Variants in MTUS1 observed in about 807,000 individuals in gnomAD.
MTUS1 encodes the protein microtubule-associated tumor suppressor 1.
Under a neutral mutation model 120.8 loss-of-function variants are expected in MTUS1, and 109 were observed. The observed-to-expected ratio is 0.90, with a 90% CI of 0.77 to 1.06. The LOEUF (loss-of-function observed/expected upper bound fraction) is 1.06, where lower values mean the gene tolerates loss of function less well. Among genes scored for constraint, MTUS1 ranks in the 50% least tolerant of loss-of-function variants. The pLI, the probability that MTUS1 is intolerant of heterozygous loss-of-function variation, is 0.00. For synonymous variants in MTUS1, 737 were observed against 550.5 expected, an observed-to-expected ratio of 1.34 and a Z score of -4.74; for missense variants, 2,210 against 1,486.3, an observed-to-expected ratio of 1.49 and a Z score of -8.01.
chr8:17,694,361 G>C (rs147358810), intron 6 of MTUS1, among the ~76,000 whole-genome samples: 1 of 152,314 alleles, frequency 6.6e-6, no homozygotes, highest in Non-Finnish European at 1.5e-5. Flanking sequence ...ATCAGGACAA[G>C]TAATGATTCA....
intron 6 of MTUS1, 47 bp from the exon 7 acceptor site, chr8:17,684,589 T>G: frequency 6.8e-7 from 1 of 1,465,650 alleles, no homozygotes; most frequent in Non-Finnish European, 9.5e-7. Flanking sequence ...AGGTTAATTT[T>G]TAAAATCACC....
intron 1 of MTUS1, among the ~76,000 whole-genome samples, chr8:17,770,249 C>G (rs1006328580): frequency 6.6e-6 from 1 of 152,062 alleles, no homozygotes; most frequent in Admixed American, 6.5e-5. Context: ...CATTTTCAAA[C>G]GTTCTAGAAT....
At chr8:17,751,934 T>A (rs79711192) in intron 2 of MTUS1, among the ~76,000 whole-genome samples, 40 of 148,468 alleles carry the variant, frequency 2.7e-4, no homozygotes, top group African/African-American at 9.7e-4. Flanking sequence ...GATAAGCATA[T>A]GCGAATATGG....
chr8:17,647,260 C>T (rs774168616), intron 13 of MTUS1, 181 bp from the exon 14 acceptor site: 7 of 535,032 alleles, frequency 1.3e-5, no homozygotes, highest in Admixed American at 6.9e-5. Context: ...CAAAACAGAG[C>T]GGCTGGGTAT....
intron 1 of MTUS1, among the ~76,000 whole-genome samples, chr8:17,766,415 A>G (rs1268840266): frequency 6.6e-6 from 1 of 152,154 alleles, no homozygotes; most frequent in African/African-American, 2.4e-5. Context: ...ACTACTCAAC[A>G]TGGCTATCTT....
chr8:17,758,723 A>C (rs368473736), intron 1 of MTUS1, among the ~76,000 whole-genome samples: 2 of 152,340 alleles, frequency 1.3e-5, no homozygotes, highest in East Asian at 3.9e-4. Context: ...GTGCACTGCA[A>C]ACACGCACTT....
intron 6 of MTUS1, among the ~76,000 whole-genome samples, chr8:17,712,299 G>A (rs990597245): frequency 6.6e-6 from 1 of 152,048 alleles, no homozygotes. Flanking sequence ...AATGTAGGCA[G>A]TGTACAGGAG....
At chr8:17,726,662 T>A (rs1251975810) in intron 3 of MTUS1, among the ~76,000 whole-genome samples, 1 of 152,236 alleles carries the variant, frequency 6.6e-6, no homozygotes, top group African/African-American at 2.4e-5. Context: ...TCCTTTACAA[T>A]AATTAGCAAC....
At chr8:17,798,252 T>C (rs553684256) in intron 1 of MTUS1, among the ~76,000 whole-genome samples, 1 of 152,216 alleles carries the variant, frequency 6.6e-6, no homozygotes, top group East Asian at 1.9e-4. Flanking sequence ...CATCAACAAA[T>C]GCAATTAGTT....
intron 7 of MTUS1, among the ~76,000 whole-genome samples, chr8:17,680,463 G>A (rs28716839): frequency 0.38 from 6,379 of 16,600 alleles, 1,259 homozygotes; most frequent in Middle Eastern, 0.59. Context: ...GGCCACTGTC[G>A]CAAAAAAAAA....
At chr8:17,676,617 G>A (rs922284293) in intron 7 of MTUS1, 18 of 407,786 alleles carry the variant, frequency 4.4e-5, no homozygotes, top group African/African-American at 1.2e-4. Flanking sequence ...TAGACTGATC[G>A]ATTGCCATTT....
At chr8:17,661,087 C>G (rs1809585655) in intron 8 of MTUS1, among the ~76,000 whole-genome samples, 1 of 152,128 alleles carries the variant, frequency 6.6e-6, no homozygotes, top group South Asian at 2.1e-4. Flanking sequence ...CTAGTAACCA[C>G]AGAAGAAAAA....
intron 8 of MTUS1, among the ~76,000 whole-genome samples, chr8:17,664,277 A>T (rs1210105618): frequency 6.6e-6 from 1 of 152,196 alleles, no homozygotes; most frequent in Admixed American, 6.5e-5. Flanking sequence ...GATTTTATGT[A>T]AATCAGAACT....
At chr8:17,771,804 G>C (rs1244079379) in intron 1 of MTUS1, among the ~76,000 whole-genome samples, 1 of 152,254 alleles carries the variant, frequency 6.6e-6, no homozygotes, top group African/African-American at 2.4e-5. Flanking sequence ...TCATCGTCCA[G>C]TGTTTACAGT....
rs541731137 is a variant in MTUS1 at position 17,676,206 on chromosome 8, G to A, written c.2839-954C>T. The stretch of plus-strand genomic sequence containing the variant: ...GCTTGTCATTCAAAGCATTTTCCCT[G>A]AATTCCAGACAGCCTCTGCAGTAGT... On this transcript the variant is annotated intron_variant, in intron 7 of 14. Coordinates refer to ENST00000693296, the MANE Select transcript of MTUS1 (RefSeq NM_001363059.2). 4.1e-5 allele frequency: 29 copies of A among 701,042 alleles called. No individual in the cohort carries two copies. In the African/African-American group the frequency reaches 4.9e-4, roughly 12 times the overall value. The allele number at this position is 701,042 out of a possible 1,614,324, so 43.4% of individuals were successfully genotyped here.
intron 5 of MTUS1, among the ~76,000 whole-genome samples, chr8:17,713,489 G>A (rs967087801): frequency 1.3e-5 from 2 of 151,970 alleles, no homozygotes; most frequent in Non-Finnish European, 2.9e-5. Flanking sequence ...AAATTAAATA[G>A]GACCAGTTTT....
intron 7 of MTUS1, among the ~76,000 whole-genome samples, chr8:17,679,355 G>A (rs954066181): frequency 1.3e-3 from 172 of 129,044 alleles, no homozygotes; most frequent in Non-Finnish European, 2.1e-3. Context: ...GTGTGCGCGC[G>A]CGTGTGTGTG....
chr8:17,768,922 G>A (rs1467532939), intron 1 of MTUS1, among the ~76,000 whole-genome samples: 4 of 152,078 alleles, frequency 2.6e-5, no homozygotes, highest in Non-Finnish European at 5.9e-5. Context: ...GTTTTCGGGG[G>A]ATTTTTGTTT....
chr8:17,694,704 G>T (rs938658760), intron 6 of MTUS1, among the ~76,000 whole-genome samples: 1 of 151,994 alleles, frequency 6.6e-6, no homozygotes, highest in Non-Finnish European at 1.5e-5. Context: ...AACCAAAGGT[G>T]GGGTTTGATG....
Sources: gnomAD v4.1 joint callset for allele counts (sites outside exome capture counted in the v4.1 genomes callset) on GRCh38, gnomAD v4.1.1 for gene constraint, MANE v1.5 for transcripts, NCBI Gene and HGNC (gene_info 2026-07-23, HGNC 2026-07-21) for gene names.